Variants in MYBPC2 observed in about 807,000 individuals in gnomAD.
The protein encoded by MYBPC2 is myosin-binding protein C, fast-type.
Under a neutral mutation model 137.0 loss-of-function variants are expected in MYBPC2, and 122 were observed. The ratio of observed to expected loss-of-function variants is 0.89; its 90% CI spans 0.77 to 1.03. MYBPC2 has a LOEUF of 1.03. Among genes scored for constraint, MYBPC2 ranks in the 50% least tolerant of loss-of-function variants. MYBPC2 has a pLI of 0.00. For missense variants in MYBPC2, 1,500 were observed against 1,534.4 expected, an observed-to-expected ratio of 0.98 and a Z score of 0.37; for synonymous variants, 626 against 612.3, an observed-to-expected ratio of 1.02 and a Z score of -0.33.
intron 24 of MYBPC2, 29 bp from the exon 25 acceptor site, chr19:50,461,513 C>A (rs182926321): frequency 6.2e-7 from 1 of 1,607,008 alleles, no homozygotes; most frequent in South Asian, 1.1e-5. Flanking sequence ...GGCCCCGACC[C>A]GCCTGGTCCC....
Position 50,437,460 on chromosome 19 carries a change from C to A in MYBPC2, c.464-13C>A. 6.2e-7 allele frequency: 1 copy of A among 1,608,542 alleles called. No homozygotes were observed. Among genetic ancestry groups the A allele is most frequent in the Non-Finnish European group, 8.5e-7 (1 of 1,177,498 alleles). On this transcript the variant is annotated splice_polypyrimidine_tract_variant and intron_variant, in intron 5 of 27. Coordinates refer to ENST00000357701, the MANE Select transcript of MYBPC2 (RefSeq NM_004533.4). ...TCTAACTCACCTTCCCTTCTCTCATCACCTCTCCCCAGCACCCCGTCAGGA... is the reference window on the plus strand; with the variant it reads ...TCTAACTCACCTTCCCTTCTCTCATAACCTCTCCCCAGCACCCCGTCAGGA...
chr19:50,443,450 G>A, intron 9 of MYBPC2, 44 bp from the exon 10 acceptor site: 1 of 1,601,170 alleles, frequency 6.2e-7, no homozygotes, highest in Non-Finnish European at 8.5e-7. Context: ...CCAGGGATAG[G>A]TGGATGCTCC....
Position 50,454,341 on chromosome 19 carries a change from A to G in MYBPC2, c.1986A>G (p.Pro662=), listed in dbSNP as rs1339196238. The change falls in exon 18 of 28, where the codon CCA becomes CCG. Residue 662 remains proline (P), a synonymous_variant. Transcript: ENST00000357701. ...EDWAILVWEP[P]MYDGGKPVTG... ...GGGCCATCCTTGTCTGGGAGCCACC[A>G]ATGTACGATGGGGGGAAGCCAGTCA... is the stretch of plus-strand genomic sequence containing the variant. 1.2e-6 allele frequency: 2 copies of G among 1,611,886 alleles called. No individual in the cohort carries two copies. The highest frequency in any genetic ancestry group is 8.5e-7 in the Non-Finnish European group (1 of 1,179,228).
chr19:50,456,911 C>T (rs1279415232), intron 20 of MYBPC2, among the ~76,000 whole-genome samples: 7 of 152,190 alleles, frequency 4.6e-5, no homozygotes, highest in African/African-American at 9.7e-5. Flanking sequence ...ACCAAACAAA[C>T]ATTCACTGAG....
Position 50,462,662 on chromosome 19 carries a change from C to T in MYBPC2, c.3228+626C>T, listed in dbSNP as rs575481351. On this transcript the variant is annotated intron_variant, in intron 26 of 27. Coordinates refer to ENST00000357701, the MANE Select transcript of MYBPC2 (RefSeq NM_004533.4). ...TGGTGCGATCTTGGCTCACTGCAACCGCCTCCCAAGTTCAAGCGATTCTCC... is the reference window on the plus strand; with the variant it reads ...TGGTGCGATCTTGGCTCACTGCAACTGCCTCCCAAGTTCAAGCGATTCTCC... 1.6e-3 allele frequency among the ~76,000 whole-genome samples: 237 copies of T among 152,194 alleles called. 1 individual carries two copies. Among genetic ancestry groups the T allele is most frequent in the African/African-American group, 5.3e-3 (222 of 41,530 alleles).
chr19:50,462,187 TTGA>T (rs1490411913), intron 26 of MYBPC2, among the ~76,000 whole-genome samples, 151 bp downstream of exon 26: 5 of 150,816 alleles, frequency 3.3e-5, no homozygotes, highest in African/African-American at 1.2e-4. Flanking sequence ...TAATTGATTT[TTGA>T]TTTTTTTTTT....
rs754987198 is a variant in MYBPC2 at position 50,465,275 on chromosome 19, G to A, written c.3415+743G>A. Among the ~76,000 whole-genome samples, 2 of 152,148 alleles carry A rather than the reference G, an allele frequency of 1.3e-5. No homozygotes were observed. The highest frequency in any genetic ancestry group is 2.9e-5 in the Non-Finnish European group (2 of 68,026). On this transcript the variant is annotated intron_variant, in intron 27 of 27. Coordinates refer to ENST00000357701, the MANE Select transcript of MYBPC2 (RefSeq NM_004533.4). The surrounding 1 kb of genome is among the most constrained non-coding windows in gnomAD (Gnocchi z 4.5). ...ACACCGGGCTGTTGGCAGTTACACT[G>A]GCCAGGCTTTCCTGCCACAGGGACT...
chr19:50,449,311 G>A (rs192053837), intron 13 of MYBPC2, among the ~76,000 whole-genome samples: 91 of 152,298 alleles, frequency 6.0e-4, no homozygotes, highest in African/African-American at 2.1e-3. Flanking sequence ...CTGACTTTGC[G>A]TGGGCACTGT....
chr19:50,435,914 G>A lies in MYBPC2; in HGVS notation c.196+52G>A. 2 of 1,550,458 alleles carry A rather than the reference G, an allele frequency of 1.3e-6. No individual in the cohort carries two copies. Among genetic ancestry groups the A allele is most frequent in the African/African-American group, 2.7e-5 (2 of 73,316 alleles). ...CTGCGGCCCGGACTCCTGGGTCTGA[G>A]GGAGGAGGGGCCAGGGTCTCGTTCT... is the stretch of plus-strand genomic sequence containing the variant. On this transcript the variant is annotated intron_variant, in intron 3 of 27. Transcript: ENST00000357701. This position sits in a 1 kb window ranked among gnomAD's most constrained non-coding sequence, Gnocchi z 4.8.
At position 50,433,412 on chromosome 19, in the gene MYBPC2, G is replaced by GTTTT. The variant is rs10673735; in HGVS notation, c.19+447_19+450dup. 4.2e-4 allele frequency among the ~76,000 whole-genome samples: 60 copies of GTTTT among 144,530 alleles called. No individual in the cohort carries two copies. The South Asian group carries it at 0.012, about 29-fold the overall frequency. The allele number at this position is 144,530 out of a possible 152,430, so 94.8% of individuals were successfully genotyped here. On this transcript the variant is annotated intron_variant, in intron 1 of 27. Coordinates refer to ENST00000357701, the MANE Select transcript of MYBPC2 (RefSeq NM_004533.4). ...GTTTGTTTTTGTTTTTTGGTTTTTG[G>GTTTT]TTTTTTTTTTGAGATGGAGTCTCGC...
At chr19:50,449,773 C>T (rs2039839553) in intron 13 of MYBPC2, among the ~76,000 whole-genome samples, 1 of 152,046 alleles carries the variant, frequency 6.6e-6, no homozygotes. Context: ...AACATCGTGC[C>T]GTTCAGGGCT....
Position 50,443,611 on chromosome 19 carries a change from C to G in MYBPC2, c.1020C>G (p.Phe340Leu), listed in dbSNP as rs780048309. The stretch of plus-strand genomic sequence containing the variant: ...ATGAGAAGTGTTTCACCGAGCTCTT[C>G]GTCAAAGGTGAGGCTGGAATTCAGA... ...VKDEKCFTEL[F>L]VKEPPVLIVT... Residue 340 changes from phenylalanine (F) to leucine (L), a missense_variant, in exon 10 of 28, where the codon TTC becomes TTG. Physicochemically the swap from Phe to Leu is conservative, Grantham distance 22 (BLOSUM62 0). Transcript: ENST00000357701. 6.2e-7 allele frequency: 1 copy of G among 1,613,556 alleles called. No homozygotes were observed. Among genetic ancestry groups the G allele is most frequent in the Non-Finnish European group, 8.5e-7 (1 of 1,179,592 alleles).
chr19:50,452,059 T>TC, intron 16 of MYBPC2, 56 bp downstream of exon 16: 1 of 1,509,986 alleles, frequency 6.6e-7, no homozygotes, highest in Non-Finnish European at 9.0e-7. Context: ...CAAGTCTCTT[T>TC]CCCCCTGAGC....
chr19:50,460,021 C>T lies in MYBPC2; in HGVS notation c.2792-19C>T, dbSNP rs777803209. On this transcript the variant is annotated intron_variant, in intron 23 of 27. Coordinates refer to ENST00000357701, the MANE Select transcript of MYBPC2 (RefSeq NM_004533.4). ...CATCCCAAAACCTGGACTGACTTGT[C>T]ACACTTCCCCATTTCCAGAAAAGGC... 6.5e-6 allele frequency: 10 copies of T among 1,550,324 alleles called. 1 individual carries two copies. In the South Asian group the frequency reaches 1.2e-4, roughly 18 times the overall value.
chr19:50,459,035 G>T (rs1336539332), intron 22 of MYBPC2, 29 bp downstream of exon 22: 5 of 1,584,546 alleles, frequency 3.2e-6, no homozygotes, highest in African/African-American at 2.7e-5. Context: ...CGGGCCGGGG[G>T]TCCGCTCTCG....
In MYBPC2 at chr19:50,441,028, A is replaced by G. The variant is rs1269563556; in HGVS notation, c.721A>G (p.Met241Val). Residue 241 changes from methionine (M) to valine (V), a missense_variant, in exon 8 of 28, where the codon ATG becomes GTG. Coordinates refer to ENST00000357701, the MANE Select transcript of MYBPC2 (RefSeq NM_004533.4). ...FQYGITDLRG[M>V]LKRLKKAKVE... ...GTATGGCATCACCGACCTCCGGGGC[A>G]TGCTGAAGCGGCTGAAAAAGGCTAA... The G allele has an allele frequency of 6.2e-7, 1 of 1,608,818 alleles. No individual in the cohort carries two copies. Among genetic ancestry groups the G allele is most frequent in the South Asian group, 1.1e-5 (1 of 89,896 alleles).
chr19:50,454,306 GGA>G lies in MYBPC2; in HGVS notation c.1955_1956del (p.Glu652GlyfsTer39). ...GGAGGCTGTGCGCATCACCTCGGTT[GGA>G]GAGGATTGGGCCATCCTTGTCTGGG... ...PPEAVRITSV[G>X]EDWAILVWEP... On this transcript the variant is annotated frameshift_variant, in exon 18 of 28. Transcript: ENST00000357701. LOFTEE classifies it high-confidence loss of function. 1 of 1,613,862 alleles carries G rather than the reference GGA, an allele frequency of 6.2e-7. No homozygotes were observed. Among genetic ancestry groups the G allele is most frequent in the Non-Finnish European group, 8.5e-7 (1 of 1,179,864 alleles).
chr19:50,447,615 C>A (rs376779106), intron 12 of MYBPC2, among the ~76,000 whole-genome samples: 1 of 151,946 alleles, frequency 6.6e-6, no homozygotes, highest in African/African-American at 2.4e-5. Context: ...CCCAGCACTT[C>A]GGGAGGCCAA....
In MYBPC2 at chr19:50,455,659, C is replaced by A. The variant is rs779038737; in HGVS notation, c.2338+15C>A. ...CCTGGAAGGCTGTGAGTGACCCTGG[C>A]AGGGCTGGTGGGGGTGGTGGCTAGC... On this transcript the variant is annotated intron_variant, in intron 20 of 27. Coordinates refer to ENST00000357701, the MANE Select transcript of MYBPC2 (RefSeq NM_004533.4). 19 of 1,612,554 alleles carry A rather than the reference C, an allele frequency of 1.2e-5. 1 individual carries two copies. The South Asian group carries it at 2.0e-4, about 17-fold the overall frequency.
Sources: allele counts gnomAD v4.1 joint callset (sites outside exome capture counted in the v4.1 genomes callset), GRCh38; gene constraint gnomAD v4.1.1; non-coding constraint Gnocchi (gnomAD v3.1); transcripts MANE v1.5; gene names NCBI Gene and HGNC (gene_info 2026-07-23, HGNC 2026-07-21).